NRXN3: variants seen among roughly 807,000 people sequenced by gnomAD.
The protein encoded by NRXN3 is neurexin III.
Under a neutral mutation model 137.6 loss-of-function variants are expected in NRXN3, and 32 were observed. The ratio of observed to expected loss-of-function variants is 0.23; its 90% CI spans 0.18 to 0.31. NRXN3 has a LOEUF of 0.31. Ranked by LOEUF, NRXN3 falls within the 10% of genes least tolerant of loss-of-function variation. The probability of loss-of-function intolerance (pLI) is 1.00; values close to 1 mark genes in which losing one functional copy is unlikely to be tolerated. For missense variants in NRXN3, 1,574 were observed against 2,062.5 expected (o/e 0.76, Z 4.59); for synonymous variants, 798 against 784.5 (o/e 1.02, Z -0.29).
intron 4 of NRXN3, among the ~76,000 whole-genome samples, chr14:78,586,953 G>A (rs1264403489): frequency 6.6e-6 from 1 of 152,202 alleles, no homozygotes; most frequent in African/African-American, 2.4e-5. Flanking sequence ...TGCCCCTGAT[G>A]CTGGAGAAGG....
At chr14:79,063,631 C>A (rs1182428626) in intron 15 of NRXN3, among the ~76,000 whole-genome samples, 2 of 152,106 alleles carry the variant, frequency 1.3e-5, no homozygotes, top group Non-Finnish European at 2.9e-5. Context: ...AGGTATTTCA[C>A]CACATCATCA....
At chr14:79,258,311 TCTGGTGCCTCAGC>T (rs1010450241) in intron 15 of NRXN3, among the ~76,000 whole-genome samples, 4 of 152,124 alleles carry the variant, frequency 2.6e-5, no homozygotes, top group African/African-American at 9.7e-5. Flanking sequence ...GATTCTCGAT[TCTGGTGCCTCAGC>T]CTCCCAAGCA....
At chr14:78,921,067 C>T (rs998133830) in intron 10 of NRXN3, among the ~76,000 whole-genome samples, 5 of 152,174 alleles carry the variant, frequency 3.3e-5, no homozygotes, top group African/African-American at 9.7e-5. Flanking sequence ...CAGTTCTGTT[C>T]CTCTAATCCA....
intron 4 of NRXN3, among the ~76,000 whole-genome samples, chr14:78,540,369 CT>C (rs2096577200): frequency 6.7e-6 from 1 of 148,928 alleles, no homozygotes; most frequent in Non-Finnish European, 1.5e-5. Flanking sequence ...TAATGGCCTT[CT>C]TTTTCTCTTT....
intron 15 of NRXN3, among the ~76,000 whole-genome samples, chr14:79,391,029 C>A (rs551070217): frequency 6.6e-6 from 1 of 152,206 alleles, no homozygotes; most frequent in Admixed American, 6.5e-5. Context: ...GGCCCTTCGA[C>A]CTTGGACTTC....
At chr14:79,449,536 ACTTCT>A (rs1189302740) in intron 15 of NRXN3, among the ~76,000 whole-genome samples, 16 of 152,192 alleles carry the variant, frequency 1.1e-4, no homozygotes, top group African/African-American at 3.4e-4. Context: ...AGATATTTTC[ACTTCT>A]CTTATCACTT....
intron 6 of NRXN3, among the ~76,000 whole-genome samples, chr14:78,683,431 C>T (rs1489460873): frequency 1.3e-5 from 2 of 152,160 alleles, no homozygotes; most frequent in Non-Finnish European, 2.9e-5. Context: ...GTTACGAGAT[C>T]AGAGCAAGAG....
intron 15 of NRXN3, among the ~76,000 whole-genome samples, chr14:79,103,417 A>C (rs1482509549): frequency 6.6e-6 from 1 of 152,152 alleles, no homozygotes; most frequent in Non-Finnish European, 1.5e-5. Context: ...CATTACCCCA[A>C]GGTGAATTAG....
At chr14:79,435,270 G>A (rs1448736884) in intron 15 of NRXN3, among the ~76,000 whole-genome samples, 3 of 150,544 alleles carry the variant, frequency 2.0e-5, no homozygotes, top group Admixed American at 6.7e-5. Flanking sequence ...ATCAAAGTCA[G>A]GGCAAAAGAA....
chr14:79,739,648 CAAAAAAAAAAAAAA>C (rs72347811), intron 19 of NRXN3, among the ~76,000 whole-genome samples: 5 of 31,818 alleles, frequency 1.6e-4, no homozygotes, highest in South Asian at 2.6e-3. Context: ...GACTCTGCCT[CAAAAAAAAAAAAAA>C]AAAAAAAAAA....
intron 15 of NRXN3, among the ~76,000 whole-genome samples, chr14:79,316,402 T>C (rs1184757986): frequency 6.6e-6 from 1 of 152,100 alleles, no homozygotes; most frequent in East Asian, 1.9e-4. Context: ...TGAGATGATA[T>C]TAAAAATATT....
chr14:79,141,552 C>T (rs994023925), intron 15 of NRXN3, among the ~76,000 whole-genome samples: 1 of 152,094 alleles, frequency 6.6e-6, no homozygotes, highest in Non-Finnish European at 1.5e-5. Flanking sequence ...AAGAGGTTAC[C>T]TGACTTCTCT....
At chr14:79,478,094 G>A (rs1200659074) in intron 16 of NRXN3, among the ~76,000 whole-genome samples, 1 of 151,684 alleles carries the variant, frequency 6.6e-6, no homozygotes, top group Non-Finnish European at 1.5e-5. Context: ...GGCAGTGACA[G>A]TGGAAGGTTT....
At chr14:78,199,300 G>A (rs759607235) in intron 1 of NRXN3, among the ~76,000 whole-genome samples, 2 of 152,016 alleles carry the variant, frequency 1.3e-5, no homozygotes, top group African/African-American at 2.4e-5. Flanking sequence ...TAGAATCTGA[G>A]ACACCCCTCC....
chr14:79,775,368 A>G (rs2099093426), intron 19 of NRXN3, among the ~76,000 whole-genome samples: 1 of 152,128 alleles, frequency 6.6e-6, no homozygotes, highest in African/African-American at 2.4e-5. Context: ...CAAACCCAGA[A>G]TCAATTCAGA....
intron 10 of NRXN3, among the ~76,000 whole-genome samples, chr14:78,923,126 GC>G (rs763634725): frequency 1.3e-5 from 2 of 152,158 alleles, no homozygotes; most frequent in South Asian, 4.1e-4. Flanking sequence ...CAAAGGAATA[GC>G]CTTTGGCCTT....
rs141290643 is a variant in NRXN3 at position 78,282,576 on chromosome 14, G to A, written c.727+3914G>A. On this transcript the variant is annotated intron_variant, in intron 3 of 20. Coordinates refer to ENST00000335750, the MANE Select transcript of NRXN3 (RefSeq NM_001330195.2). ...AGGCCTCCTGCTTCCATCCATCAGAGCCCTGGCAGGCACTGTGGGAGGGGC... is the reference window on the plus strand; with the variant it reads ...AGGCCTCCTGCTTCCATCCATCAGAACCCTGGCAGGCACTGTGGGAGGGGC... 6.7e-5 allele frequency: 11 copies of A among 165,180 alleles called. No homozygotes were observed. In the East Asian group the frequency reaches 1.6e-3, roughly 25 times the overall value. The allele number at this position is 165,180 out of a possible 1,614,324, so 10.2% of individuals were successfully genotyped here.
At chr14:79,164,841 T>C (rs1273845547) in intron 15 of NRXN3, among the ~76,000 whole-genome samples, 1 of 152,022 alleles carries the variant, frequency 6.6e-6, no homozygotes, top group African/African-American at 2.4e-5. Flanking sequence ...GGTTTCTTTC[T>C]CTAGACAAGG....
chr14:78,497,484 G>A (rs1180368009), intron 4 of NRXN3, among the ~76,000 whole-genome samples: 1 of 152,080 alleles, frequency 6.6e-6, no homozygotes, highest in Non-Finnish European at 1.5e-5. Context: ...GCTATCACTT[G>A]CTGTTCTCAT....
Sources: gnomAD v4.1 joint callset for allele counts (sites outside exome capture counted in the v4.1 genomes callset) on GRCh38, gnomAD v4.1.1 for gene constraint, MANE v1.5 for transcripts, NCBI Gene and HGNC (gene_info 2026-07-23, HGNC 2026-07-21) for gene names.